The following POP1 variants were observed in gnomAD, a reference collection of about 807,000 sequenced individuals.
POP1 encodes the protein ribonucleases P/MRP protein subunit POP1.
Under a neutral mutation model 102.2 loss-of-function variants are expected in POP1, and 75 were observed. The ratio of observed to expected loss-of-function variants is 0.73; its 90% CI spans 0.61 to 0.89. The LOEUF (loss-of-function observed/expected upper bound fraction) is 0.89, where lower values mean the gene tolerates loss of function less well. POP1 is among the 40% of genes least tolerant of loss of function. The probability of loss-of-function intolerance (pLI) is 0.00; values close to 1 mark genes in which losing one functional copy is unlikely to be tolerated. For synonymous variants in POP1, 436 were observed against 464.1 expected (o/e 0.94, Z 0.78); for missense variants, 1,116 against 1,267.4 (o/e 0.88, Z 1.81).
Position 98,140,108 on chromosome 8 carries a change from C to A in POP1, c.1393C>A (p.Arg465Ser), listed in dbSNP as rs376649627. The change falls in exon 10 of 16, where the codon CGC (arginine) becomes AGC (serine). Residue 465 changes from arginine (R) to serine (S), a missense_variant. Coordinates refer to ENST00000401707, the MANE Select transcript of POP1 (RefSeq NM_001145860.2). Reference sequence around the variant, plus strand: ...AGAGGACACAGAGGAGACACCTCACCGCTGGTGGATAGAAACCTGTAAGAA... The same window carrying A: ...AGAGGACACAGAGGAGACACCTCACAGCTGGTGGATAGAAACCTGTAAGAA... ...VGEDTEETPH[R>S]WWIETCKKPD... The A allele has an allele frequency of 1.2e-6, 2 of 1,614,072 alleles. No homozygotes were observed. The highest frequency in any genetic ancestry group is 8.5e-7 in the Non-Finnish European group (1 of 1,179,988).
chr8:98,149,747 C>G (rs1809466875), intron 13 of POP1, among the ~76,000 whole-genome samples: 1 of 151,848 alleles, frequency 6.6e-6, no homozygotes, highest in South Asian at 2.1e-4. Flanking sequence ...CAGAGCGAGA[C>G]TCTGTCTCAA....
Position 98,127,623 on chromosome 8 carries a change from G to A in POP1, c.171G>A (p.Arg57=), listed in dbSNP as rs184763875. The A allele has an allele frequency of 5.5e-5, 88 of 1,614,088 alleles. No individual in the cohort carries two copies. In the Admixed American group the frequency reaches 1.4e-3, roughly 26 times the overall value. The change falls in exon 3 of 16, where the codon CGG becomes CGA. Residue 57 remains arginine (R), a synonymous_variant. Coordinates refer to ENST00000401707, the MANE Select transcript of POP1 (RefSeq NM_001145860.2). ...QEPHPGTSRQ[R]QTRVNPHSLP... ...CTCATCCTGGAACTTCACGACAGCG[G>A]CAAACCAGAGTCAACCCCCATTCTC...
chr8:98,132,655 A>G (rs1378877442), intron 5 of POP1, among the ~76,000 whole-genome samples: 1 of 152,184 alleles, frequency 6.6e-6, no homozygotes, highest in African/African-American at 2.4e-5. Flanking sequence ...TCTGTGTCAC[A>G]GTGTCCTTGT....
chr8:98,152,571 T>C (rs1338394784), intron 14 of POP1, among the ~76,000 whole-genome samples: 2 of 152,092 alleles, frequency 1.3e-5, no homozygotes, highest in African/African-American at 4.8e-5. Flanking sequence ...GAATTTCATA[T>C]AATTTTCATG....
At chr8:98,125,575 C>G (rs1258319887) in intron 2 of POP1, among the ~76,000 whole-genome samples, 1 of 151,908 alleles carries the variant, frequency 6.6e-6, no homozygotes, top group African/African-American at 2.4e-5. Flanking sequence ...GAGTCTTGCT[C>G]TGTTGCCTGG....
At chr8:98,149,993 A>T (rs1309760590) in intron 13 of POP1, among the ~76,000 whole-genome samples, 1 of 152,190 alleles carries the variant, frequency 6.6e-6, no homozygotes, top group African/African-American at 2.4e-5. Flanking sequence ...ATAGATGCTG[A>T]TATAGTGAAT....
chr8:98,117,916 A>T (rs1373673802), intron 1 of POP1: 1 of 152,126 alleles, frequency 6.6e-6, no homozygotes, highest in East Asian at 1.9e-4. Context: ...AATATTTCTT[A>T]TCCTGTTAAT....
At chr8:98,144,378 C>T (rs113727389) in intron 11 of POP1, among the ~76,000 whole-genome samples, 6,672 of 151,984 alleles carry the variant, frequency 0.044, 223 homozygotes, top group Non-Finnish European at 0.064. Flanking sequence ...CGGGCTCAAG[C>T]GATCCTCCCA....
At position 98,157,611 on chromosome 8, in the gene POP1, A is replaced by C; in HGVS notation, c.2421-6A>C. The C allele has an allele frequency of 6.2e-7, 1 of 1,614,088 alleles. No homozygotes were observed. Among genetic ancestry groups the C allele is most frequent in the South Asian group, 1.1e-5 (1 of 91,080 alleles). On this transcript the variant is annotated splice_region_variant and splice_polypyrimidine_tract_variant and intron_variant, in intron 15 of 15. Transcript: ENST00000401707. ...TCCTCAAACGTATGTCTCCAACTTC[A>C]TGTAGGAGTAGAAAATTACTGAAGC...
At chr8:98,156,550 CTT>C in intron 15 of POP1, 138 bp downstream of exon 15, 1 of 1,079,506 alleles carries the variant, frequency 9.3e-7, no homozygotes, top group Non-Finnish European at 1.3e-6. Context: ...GAAAGCCAGT[CTT>C]TTATATTTCA....
At chr8:98,131,842 G>A (rs61149149) in intron 5 of POP1, among the ~76,000 whole-genome samples, 145 of 152,194 alleles carry the variant, frequency 9.5e-4, no homozygotes, top group African/African-American at 3.4e-3. Flanking sequence ...GGACCTTTTA[G>A]GAGTCTTTGA....
intron 6 of POP1, 36 bp from the exon 7 acceptor site, chr8:98,134,435 AC>A: frequency 6.2e-7 from 1 of 1,608,216 alleles, no homozygotes; most frequent in Non-Finnish European, 8.5e-7. Context: ...CAGTCTCAAC[AC>A]CCGGAATTAT....
In POP1 at chr8:98,156,403, G is replaced by C; in HGVS notation, c.2411G>C (p.Cys804Ser). The C allele has an allele frequency of 1.2e-6, 2 of 1,613,666 alleles. No homozygotes were observed. Among genetic ancestry groups the C allele is most frequent in the Non-Finnish European group, 1.7e-6 (2 of 1,179,962 alleles). ...NHVAATGSHL[C>S]VLRSRKLLKQ... ...GTTGCTGCCACAGGGAGTCACCTCT[G>C]CGTTCTCAGGTAAGTGTCGGTGACT... Residue 804 changes from cysteine to serine, a missense_variant, in exon 15 of 16, where the codon TGC (cysteine) becomes TCC (serine). Coordinates refer to ENST00000401707, the MANE Select transcript of POP1 (RefSeq NM_001145860.2).
chr8:98,156,523 A>G (rs1230060513), intron 15 of POP1, 111 bp downstream of exon 15: 36 of 1,392,432 alleles, frequency 2.6e-5, no homozygotes, highest in Non-Finnish European at 3.6e-5. Context: ...AAGTGAATTT[A>G]TAGGCTTTCT....
In POP1 at chr8:98,134,521, C is replaced by T. The variant is rs1472560765; in HGVS notation, c.873C>T (p.Ser291=). ...GCTTGTCTGGAAAGCGCCAAGGGAG[C>T]CTTGTGCTTTATCGGGTGAATAAAT... ...VHCLSGKRQG[S]LVLYRVNKYP... The change falls in exon 7 of 16, where the codon AGC becomes AGT. Residue 291 remains serine, a synonymous_variant. Coordinates refer to ENST00000401707, the MANE Select transcript of POP1 (RefSeq NM_001145860.2). The T allele has an allele frequency of 1.6e-5, 26 of 1,614,030 alleles. No homozygotes were observed. Among genetic ancestry groups the T allele is most frequent in the Non-Finnish European group, 1.9e-5 (23 of 1,180,032 alleles).
intron 11 of POP1, among the ~76,000 whole-genome samples, chr8:98,142,558 T>C (rs1195232215): frequency 6.6e-6 from 1 of 152,254 alleles, no homozygotes; most frequent in Admixed American, 6.5e-5. Flanking sequence ...TTTAAAAATA[T>C]AGTTTCTGCC....
At chr8:98,156,657 C>T (rs1454129890) in intron 15 of POP1, among the ~76,000 whole-genome samples, 1 of 151,578 alleles carries the variant, frequency 6.6e-6, no homozygotes. Flanking sequence ...TAGATCCAAG[C>T]CAAGGCAGTT....
chr8:98,139,967 TA>T, intron 9 of POP1, 110 bp from the exon 10 acceptor site: 1 of 846,210 alleles, frequency 1.2e-6, no homozygotes, highest in Non-Finnish European at 2.0e-6. Flanking sequence ...CCATAACACA[TA>T]CATTTCCACA....
chr8:98,127,818 G>A (rs2130585144), intron 3 of POP1, 56 bp downstream of exon 3: 1 of 1,576,058 alleles, frequency 6.3e-7, no homozygotes, highest in Admixed American at 1.7e-5. Flanking sequence ...CGTGTCTAGT[G>A]CAGCAACAAA....
Sources: allele counts gnomAD v4.1 joint callset (sites outside exome capture counted in the v4.1 genomes callset), GRCh38; gene constraint gnomAD v4.1.1; transcripts MANE v1.5; gene names NCBI Gene and HGNC (gene_info 2026-07-23, HGNC 2026-07-21).